DSG2: variants seen among roughly 807,000 people sequenced by gnomAD.
DSG2 encodes desmoglein-2.
In DSG2, 45 loss-of-function variants were observed where a neutral mutation model predicts 75.6. The ratio of observed to expected loss-of-function variants is 0.60; its 90% CI spans 0.47 to 0.76. DSG2 has a LOEUF of 0.76. Ranked by LOEUF, DSG2 falls within the 30% of genes least tolerant of loss-of-function variation. DSG2 has a pLI of 0.00. For synonymous variants in DSG2, 429 were observed against 483.9 expected, an observed-to-expected ratio of 0.89 and a Z score of 1.49; for missense variants, 1,267 against 1,357.4, an observed-to-expected ratio of 0.93 and a Z score of 1.05.
intron 11 of DSG2, 143 bp from the exon 12 acceptor site, chr18:31,538,608 C>T (rs2073246362): frequency 5.1e-6 from 4 of 782,056 alleles, no homozygotes; most frequent in Non-Finnish European, 8.8e-6. Flanking sequence ...TTTTAATGAG[C>T]ACACTTCAAT....
At chr18:31,514,129 A>G (rs1045878463) in intron 1 of DSG2, among the ~76,000 whole-genome samples, 3 of 152,216 alleles carry the variant, frequency 2.0e-5, no homozygotes, top group African/African-American at 7.2e-5. Context: ...AAATCAGAAT[A>G]AAGTATGGAA....
intron 14 of DSG2, 104 bp downstream of exon 14, chr18:31,542,956 TG>T: frequency 2.2e-6 from 2 of 919,872 alleles, no homozygotes; most frequent in Non-Finnish European, 3.0e-6. Context: ...AATGAGACTT[TG>T]GGTTTTTTTT....
intron 1 of DSG2, among the ~76,000 whole-genome samples, chr18:31,500,847 A>G (rs1340659442): frequency 2.0e-5 from 3 of 152,218 alleles, no homozygotes; most frequent in Non-Finnish European, 4.4e-5. Context: ...TGGTTCACAG[A>G]TAGAATTCAA....
chr18:31,530,405 A>G (rs942482311), intron 8 of DSG2, among the ~76,000 whole-genome samples: 1 of 152,100 alleles, frequency 6.6e-6, no homozygotes, highest in Non-Finnish European at 1.5e-5. Context: ...ATATATACAC[A>G]TATCTATAGA....
intron 9 of DSG2, among the ~76,000 whole-genome samples, chr18:31,534,297 C>T (rs963182146): frequency 2.0e-5 from 3 of 152,028 alleles, no homozygotes; most frequent in South Asian, 2.1e-4. Context: ...CAGTTACATA[C>T]GTTTCTGAAA....
At chr18:31,543,881 A>AG (rs1465565767) in intron 14 of DSG2, among the ~76,000 whole-genome samples, 2 of 151,772 alleles carry the variant, frequency 1.3e-5, no homozygotes, top group Non-Finnish European at 2.9e-5. Flanking sequence ...AAAAAAAAAA[A>AG]AAAGTATAAC....
At chr18:31,533,420 G>A (rs1048799354) in intron 9 of DSG2, among the ~76,000 whole-genome samples, 6 of 152,142 alleles carry the variant, frequency 3.9e-5, no homozygotes, top group South Asian at 2.1e-4. Context: ...AGGTTCCAGC[G>A]AGTTGCCATC....
Position 31,539,040 on chromosome 18 carries a change from G to A in DSG2, c.1879+62G>A, listed in dbSNP as rs181641179. 2.1e-4 allele frequency: 299 copies of A among 1,451,172 alleles called. 2 individuals carry two copies. The East Asian group carries it at 6.6e-3, about 32-fold the overall frequency. 89.9% of individuals were successfully genotyped at this position (1,451,172 alleles called of 1,614,324 possible). On this transcript the variant is annotated intron_variant, in intron 12 of 14. Transcript: ENST00000261590. ...AATCTGAGTGCACTCCTGGAGATGTGTTACTATGGTAGTCATTGATTTCTT... is the reference window on the plus strand; with the variant it reads ...AATCTGAGTGCACTCCTGGAGATGTATTACTATGGTAGTCATTGATTTCTT...
intron 5 of DSG2, among the ~76,000 whole-genome samples, chr18:31,521,742 C>A (rs1159218403): frequency 6.6e-6 from 1 of 152,202 alleles, no homozygotes; most frequent in Admixed American, 6.5e-5. Flanking sequence ...AGTTACGCTT[C>A]TCCTGATTTG....
At chr18:31,537,699 G>A (rs979772435) in intron 11 of DSG2, among the ~76,000 whole-genome samples, 5 of 151,906 alleles carry the variant, frequency 3.3e-5, no homozygotes, top group African/African-American at 1.2e-4. Context: ...GTATATTACA[G>A]AATATTATCA....
At chr18:31,513,813 T>G (rs1010820377) in intron 1 of DSG2, among the ~76,000 whole-genome samples, 1 of 152,154 alleles carries the variant, frequency 6.6e-6, no homozygotes, top group Non-Finnish European at 1.5e-5. Context: ...TAGCCAGTGG[T>G]GTCATGTGGC....
chr18:31,537,035 G>T (rs985544027), intron 11 of DSG2, among the ~76,000 whole-genome samples: 4 of 152,180 alleles, frequency 2.6e-5, no homozygotes, highest in Admixed American at 6.5e-5. Flanking sequence ...ATGTGTTGAT[G>T]TGAGTTTTCA....
At chr18:31,523,355 C>T (rs934169638) in intron 6 of DSG2, among the ~76,000 whole-genome samples, 5 of 152,110 alleles carry the variant, frequency 3.3e-5, no homozygotes, top group Non-Finnish European at 5.9e-5. Flanking sequence ...GAGCTGAGAT[C>T]GCGCCACTGC....
Position 31,520,814 on chromosome 18 carries a change from T to C in DSG2, c.228T>C (p.Asp76=), listed in dbSNP as rs1487213814. The part of the protein sequence containing the change: ...KKNPIAKIHS[D]LAEERGLKIT... Reference sequence around the variant, plus strand: ...TATTTTTATGTTAGATACATTCTGATCTTGCAGAAGAAAGAGGACTCAAAA... The same window carrying C: ...TATTTTTATGTTAGATACATTCTGACCTTGCAGAAGAAAGAGGACTCAAAA... Residue 76 remains aspartate, a synonymous_variant, in exon 4 of 15, where the codon GAT becomes GAC. Coordinates refer to ENST00000261590, the MANE Select transcript of DSG2 (RefSeq NM_001943.5). 6.2e-7 allele frequency: 1 copy of C among 1,613,670 alleles called. No homozygotes were observed. The highest frequency in any genetic ancestry group is 8.5e-7 in the Non-Finnish European group (1 of 1,179,744).
At position 31,546,692 on chromosome 18, in the gene DSG2, A is replaced by T. The variant is rs747930194; in HGVS notation, c.3306A>T (p.Thr1102=). 6.2e-7 allele frequency: 1 copy of T among 1,614,030 alleles called. No individual in the cohort carries two copies. The highest frequency in any genetic ancestry group is 1.3e-5 in the African/African-American group (1 of 74,898). Residue 1102 remains threonine (T), a synonymous_variant, in exon 15 of 15, where the codon ACA becomes ACT. Transcript: ENST00000261590. ...GTCATTCTAATTCTACCATAACCAC[A>T]TCTTCCACCAGAGTTACCAAGCATA... ...ESGHSNSTIT[T]SSTRVTKHST... is the part of the protein sequence containing the mutation.
chr18:31,534,112 C>A (rs1252383814), intron 9 of DSG2, among the ~76,000 whole-genome samples: 1 of 151,440 alleles, frequency 6.6e-6, no homozygotes, highest in African/African-American at 2.4e-5. Flanking sequence ...TTCAGCCTCC[C>A]AAATAGCTGG....
At chr18:31,506,316 A>G (rs2073039044) in intron 1 of DSG2, among the ~76,000 whole-genome samples, 1 of 152,222 alleles carries the variant, frequency 6.6e-6, no homozygotes, top group Admixed American at 6.5e-5. Context: ...TGCAAATTAG[A>G]ATCATTCTAG....
chr18:31,517,620 C>T (rs529291066), intron 1 of DSG2, among the ~76,000 whole-genome samples: 29 of 152,004 alleles, frequency 1.9e-4, no homozygotes, highest in African/African-American at 6.8e-4. Flanking sequence ...ATTCAGAAAG[C>T]AAGATGGGAG....
intron 1 of DSG2, among the ~76,000 whole-genome samples, chr18:31,505,907 C>G (rs2073037117): frequency 6.6e-6 from 1 of 152,150 alleles, no homozygotes; most frequent in African/African-American, 2.4e-5. Flanking sequence ...CCCGCCTCAG[C>G]CTCCCAAAGT....
Sources: gnomAD v4.1 joint callset for allele counts (sites outside exome capture counted in the v4.1 genomes callset) on GRCh38, gnomAD v4.1.1 for gene constraint, MANE v1.5 for transcripts, NCBI Gene and HGNC (gene_info 2026-07-23, HGNC 2026-07-21) for gene names.